The following BORCS5 variants were observed in gnomAD, a reference collection of about 807,000 sequenced individuals.
BORCS5 encodes BLOC-1 related complex subunit 5.
A neutral mutation model predicts 22.1 loss-of-function variants in BORCS5; 17 were observed. The observed-to-expected ratio is 0.77, with a 90% CI of 0.53 to 1.15. The LOEUF (loss-of-function observed/expected upper bound fraction) is 1.15. Among genes scored for constraint, BORCS5 ranks in the 50% most tolerant of loss-of-function variants. The probability of loss-of-function intolerance (pLI) is 0.00; values close to 1 mark genes in which losing one functional copy is unlikely to be tolerated. For synonymous variants in BORCS5, 117 were observed against 99.8 expected, an observed-to-expected ratio of 1.17 and a Z score of -1.03; for missense variants, 247 against 253.2, an observed-to-expected ratio of 0.98 and a Z score of 0.17.
rs1375407739 is a variant in BORCS5 at position 12,467,645 on chromosome 12, A to G, written c.*1869A>G. 1 of 152,254 alleles carries G rather than the reference A, an allele frequency of 6.6e-6. No individual in the cohort carries two copies. The highest frequency in any genetic ancestry group is 2.4e-5 in the African/African-American group (1 of 41,458). 9.4% of individuals were successfully genotyped at this position (152,254 alleles called of 1,614,324 possible). A position where few individuals can be genotyped will look rare whatever the true frequency, so the allele number is the denominator to read the frequency against. On this transcript the variant is annotated 3_prime_UTR_variant, in exon 4 of 4. Transcript: ENST00000314565. ...ATTCAATACTCCCGGAAAGAATTCT[A>G]GTTAGTTTAATATTTTGATGGCATG...
chr12:12,446,586 C>T (rs1303129755), intron 3 of BORCS5, among the ~76,000 whole-genome samples: 2 of 152,220 alleles, frequency 1.3e-5, no homozygotes, highest in Non-Finnish European at 1.5e-5. Flanking sequence ...CTTTTAAAAA[C>T]ATCTGAATTG....
intron 2 of BORCS5, among the ~76,000 whole-genome samples, chr12:12,388,935 G>A (rs7967230): frequency 0.56 from 84,362 of 150,482 alleles, 25,929 homozygotes; most frequent in African/African-American, 0.75. Context: ...TCTCGCAAGA[G>A]GCTACAGTTC....
Position 12,357,433 on chromosome 12 carries a change from T to A in BORCS5, c.-19T>A. On this transcript the variant is annotated 5_prime_UTR_variant, in exon 1 of 4. Transcript: ENST00000314565. ...ACCGCCCGGCCCGCCGTTCTTCTGCTGCCACCGCTGTCGGCACCATGGGCA... is the reference window on the plus strand; with the variant it reads ...ACCGCCCGGCCCGCCGTTCTTCTGCAGCCACCGCTGTCGGCACCATGGGCA... The A allele has an allele frequency of 6.2e-7, 1 of 1,604,496 alleles. No individual in the cohort carries two copies. Among genetic ancestry groups the A allele is most frequent in the Non-Finnish European group, 8.5e-7 (1 of 1,172,934 alleles).
At chr12:12,410,544 C>T (rs951299914) in intron 2 of BORCS5, among the ~76,000 whole-genome samples, 159 of 151,804 alleles carry the variant, frequency 1.0e-3, no homozygotes, top group African/African-American at 2.9e-3. Flanking sequence ...TGTAGATATG[C>T]GGCATTATTT....
chr12:12,387,725 T>G lies in BORCS5; in HGVS notation c.202+26376T>G, dbSNP rs763324473. ...TATCGAATCATCTAAAACTCTAAAG[T>G]GTTTTTCACATGTGCTGACATTAAG... On this transcript the variant is annotated intron_variant, in intron 2 of 3. Transcript: ENST00000314565. Among the ~76,000 whole-genome samples, 4 of 151,450 alleles carry G rather than the reference T, an allele frequency of 2.6e-5. 1 individual carries two copies. The highest frequency in any genetic ancestry group is 4.4e-5 in the Non-Finnish European group (3 of 67,742).
chr12:12,457,561 C>T (rs1033406871), intron 3 of BORCS5, among the ~76,000 whole-genome samples: 12 of 152,048 alleles, frequency 7.9e-5, no homozygotes, highest in Admixed American at 2.6e-4. Flanking sequence ...CCCAGCTACG[C>T]GGGAGGCTGA....
intron 2 of BORCS5, among the ~76,000 whole-genome samples, chr12:12,400,986 A>G (rs887242384): frequency 6.6e-6 from 1 of 152,130 alleles, no homozygotes; most frequent in Non-Finnish European, 1.5e-5. Context: ...ATGTTGATAT[A>G]TGTCTCACTT....
chr12:12,409,073 G>A (rs1444538530), intron 2 of BORCS5, among the ~76,000 whole-genome samples: 2 of 149,712 alleles, frequency 1.3e-5, no homozygotes, highest in Admixed American at 6.8e-5. Context: ...GTGAGTAAGG[G>A]TTCTACATCT....
At chr12:12,452,953 C>T (rs373928023) in intron 3 of BORCS5, among the ~76,000 whole-genome samples, 82 of 152,254 alleles carry the variant, frequency 5.4e-4, no homozygotes, top group African/African-American at 1.8e-3. Flanking sequence ...TGGGCTAGAA[C>T]GTGCCATATC....
At chr12:12,368,372 G>GCTTT (rs968090995) in intron 2 of BORCS5, among the ~76,000 whole-genome samples, 1 of 151,336 alleles carries the variant, frequency 6.6e-6, no homozygotes, top group Non-Finnish European at 1.5e-5. Flanking sequence ...ATTCTAAGGC[G>GCTTT]CTTTAAGTAT....
rs944909272 is a variant in BORCS5, at chr12:12,385,388, G to A, written c.202+24039G>A. On this transcript the variant is annotated intron_variant, in intron 2 of 3. Coordinates refer to ENST00000314565, the MANE Select transcript of BORCS5 (RefSeq NM_058169.6). ...AAGTCAGCAGCCGCTTCCTGCTAAA[G>A]CAGGAAAGCTTCCTGTTCTCATTAC... Among the ~76,000 whole-genome samples, 2 of 151,460 alleles carry A rather than the reference G, an allele frequency of 1.3e-5. 1 individual carries two copies. The highest frequency in any genetic ancestry group is 3.0e-5 in the Non-Finnish European group (2 of 67,696).
intron 3 of BORCS5, among the ~76,000 whole-genome samples, chr12:12,456,148 G>T (rs907959928): frequency 1.3e-5 from 2 of 152,178 alleles, no homozygotes; most frequent in African/African-American, 4.8e-5. Flanking sequence ...ATCAAGCATA[G>T]TGAGGCCAGG....
At chr12:12,407,958 C>T (rs1318006815) in intron 2 of BORCS5, among the ~76,000 whole-genome samples, 1 of 152,152 alleles carries the variant, frequency 6.6e-6, no homozygotes, top group Non-Finnish European at 1.5e-5. Context: ...GATCCTTCCA[C>T]CTCGGCCTCC....
chr12:12,400,821 G>C (rs184190738), intron 2 of BORCS5, among the ~76,000 whole-genome samples: 7 of 152,020 alleles, frequency 4.6e-5, no homozygotes, highest in Non-Finnish European at 1.0e-4. Context: ...TGTTTTCTTC[G>C]TGGCTTGTCT....
intron 2 of BORCS5, among the ~76,000 whole-genome samples, chr12:12,413,420 C>T (rs1405070331): frequency 6.9e-6 from 1 of 145,574 alleles, no homozygotes; most frequent in African/African-American, 2.6e-5. Flanking sequence ...TCAACAGGAT[C>T]CCAAGGCAGA....
In BORCS5 at chr12:12,464,072, C is replaced by T. The variant is rs925495308; in HGVS notation, c.361-1474C>T. Among the ~76,000 whole-genome samples the T allele has an allele frequency of 5.3e-5, 8 of 152,138 alleles. No homozygotes were observed. In the East Asian group the frequency reaches 7.7e-4, roughly 15 times the overall value. On this transcript the variant is annotated intron_variant, in intron 3 of 3. Transcript: ENST00000314565. The stretch of plus-strand genomic sequence containing the variant: ...GCAAGGCCACCCTGAAAAGGCCCAG[C>T]GGGTGACTGTCAGGACCACAGGACT...
At chr12:12,430,316 A>G (rs907090901) in intron 2 of BORCS5, among the ~76,000 whole-genome samples, 7 of 151,714 alleles carry the variant, frequency 4.6e-5, no homozygotes, top group African/African-American at 1.7e-4. Context: ...ACGCCTGGCT[A>G]ATTTTTTTAT....
intron 1 of BORCS5, among the ~76,000 whole-genome samples, chr12:12,360,061 ATG>A (rs1863244502): frequency 6.6e-6 from 1 of 152,116 alleles, no homozygotes; most frequent in Non-Finnish European, 1.5e-5. Context: ...AAGTTCATTC[ATG>A]TTATATAATC....
At chr12:12,415,411 G>A (rs1361791028) in intron 2 of BORCS5, among the ~76,000 whole-genome samples, 20 of 151,668 alleles carry the variant, frequency 1.3e-4, no homozygotes, top group African/African-American at 4.8e-4. Context: ...CCAGTCAGGC[G>A]TGGCGGCGTG....
Sources: allele counts gnomAD v4.1 joint callset (sites outside exome capture counted in the v4.1 genomes callset), GRCh38; gene constraint gnomAD v4.1.1; transcripts MANE v1.5; gene names NCBI Gene and HGNC (gene_info 2026-07-23, HGNC 2026-07-21).